The following BIVM variants were observed in gnomAD, a reference collection of about 807,000 sequenced individuals.
The protein encoded by BIVM is basic, immunoglobulin-like variable motif containing, also known as basic immunoglobulin-like variable motif-containing protein.
BIVM carries 31 observed loss-of-function variants against 61.4 expected under a neutral mutation model. The observed-to-expected ratio is 0.51, with a 90% CI of 0.38 to 0.68. The LOEUF (loss-of-function observed/expected upper bound fraction) is 0.68. Among genes scored for constraint, BIVM ranks in the 30% least tolerant of loss-of-function variants. The pLI is 0.00. For synonymous variants in BIVM, 189 were observed against 210.7 expected (o/e 0.90, Z 0.89); for missense variants, 526 against 596.0 (o/e 0.88, Z 1.22).
intron 3 of BIVM, among the ~76,000 whole-genome samples, chr13:102,809,886 C>T (rs906164911): frequency 1.7e-4 from 26 of 151,662 alleles, no homozygotes; most frequent in Non-Finnish European, 3.5e-4. Context: ...CCCGGGTTCA[C>T]ACCATTCTCC....
At chr13:102,809,616 T>A (rs911874954) in intron 3 of BIVM, among the ~76,000 whole-genome samples, 1 of 152,232 alleles carries the variant, frequency 6.6e-6, no homozygotes, top group Non-Finnish European at 1.5e-5. Context: ...ATTGTGAAGT[T>A]GTCTTTTCTC....
rs777601002 is a variant in BIVM at position 102,821,149 on chromosome 13, A to T, written c.701+17A>T. ...AGCTGGAAAGTAAGTATGTCAATTT[A>T]TCAGTACCCCCAAACTCCAAAGTAA... On this transcript the variant is annotated intron_variant, in intron 5 of 10. Coordinates refer to ENST00000257336, the MANE Select transcript of BIVM (RefSeq NM_017693.4). 6.3e-7 allele frequency: 1 copy of T among 1,597,788 alleles called. No homozygotes were observed. Among genetic ancestry groups the T allele is most frequent in the East Asian group, 2.2e-5 (1 of 44,630 alleles).
chr13:102,835,871 C>T (rs1881436870), intron 9 of BIVM, among the ~76,000 whole-genome samples: 1 of 152,214 alleles, frequency 6.6e-6, no homozygotes, highest in Non-Finnish European at 1.5e-5. Context: ...TAAATGGTGT[C>T]ATACAGTATG....
chr13:102,837,011 G>C (rs1308296198), intron 9 of BIVM, among the ~76,000 whole-genome samples: 1 of 152,084 alleles, frequency 6.6e-6, no homozygotes, highest in African/African-American at 2.4e-5. Context: ...ATTTTGGCTG[G>C]GCGCGGTGGC....
chr13:102,816,200 C>T (rs981132177), intron 3 of BIVM, among the ~76,000 whole-genome samples: 1 of 152,144 alleles, frequency 6.6e-6, no homozygotes, highest in African/African-American at 2.4e-5. Flanking sequence ...TATTATTTCT[C>T]TTTAAGGTAG....
chr13:102,800,868 A>T (rs1365211998), intron 1 of BIVM: 1 of 152,228 alleles, frequency 6.6e-6, no homozygotes, highest in Non-Finnish European at 1.5e-5. Context: ...AGGTCACCGG[A>T]ATGCCCCTGC....
chr13:102,833,782 C>T (rs1254883797), intron 8 of BIVM, among the ~76,000 whole-genome samples: 1 of 152,202 alleles, frequency 6.6e-6, no homozygotes, highest in Admixed American at 6.5e-5. Flanking sequence ...AGAGGGAACT[C>T]TCTTGTTCTC....
At chr13:102,803,587 T>C (rs973865429) in intron 1 of BIVM, among the ~76,000 whole-genome samples, 6 of 151,936 alleles carry the variant, frequency 3.9e-5, no homozygotes, top group Non-Finnish European at 8.8e-5. Flanking sequence ...AAGGAAGCCC[T>C]GGGAAAGTGG....
In BIVM at chr13:102,831,655, T is replaced by C; in HGVS notation, c.992T>C (p.Ile331Thr). The C allele has an allele frequency of 6.2e-7, 1 of 1,614,174 alleles. No individual in the cohort carries two copies. Among genetic ancestry groups the C allele is most frequent in the Middle Eastern group, 1.6e-4 (1 of 6,062 alleles). ...YHCQNHYFCP[I>T]GFEATPVKAN... ...TGCCAAAATCATTATTTTTGTCCAA[T>C]TGGCTTCGAAGCAACCCCTGTTAAA... The change falls in exon 8 of 11, where the codon ATT (isoleucine) becomes ACT (threonine). Residue 331 changes from isoleucine (I) to threonine (T), a missense_variant. Physicochemically the swap from Ile to Thr is moderately conservative, Grantham distance 89. Coordinates refer to ENST00000257336, the MANE Select transcript of BIVM (RefSeq NM_017693.4).
At chr13:102,837,774 G>A (rs374528754) in intron 9 of BIVM, among the ~76,000 whole-genome samples, 1 of 152,190 alleles carries the variant, frequency 6.6e-6, no homozygotes, top group African/African-American at 2.4e-5. Context: ...GCCGGAGGCC[G>A]TTATTCTAAG....
At chr13:102,816,287 A>G in intron 3 of BIVM, 141 bp from the exon 4 acceptor site, 1 of 754,610 alleles carries the variant, frequency 1.3e-6, no homozygotes, top group Non-Finnish European at 1.9e-6. Flanking sequence ...GCAGTTATTT[A>G]TTTGTTATTA....
At position 102,807,876 on chromosome 13, in the gene BIVM, G is replaced by A; in HGVS notation, c.478+131G>A. The A allele has an allele frequency of 9.4e-7, 1 of 1,066,386 alleles. No individual in the cohort carries two copies. The highest frequency in any genetic ancestry group is 1.3e-6 in the Non-Finnish European group (1 of 765,288). The allele number at this position is 1,066,386 out of a possible 1,614,324, so 66.1% of individuals were successfully genotyped here. A position where few individuals can be genotyped will look rare whatever the true frequency, so the allele number is the denominator to read the frequency against. ...AAGGAACATGGCTATCATCTTGTCT[G>A]TCAATGTAGTTTTAGGAAAGTAACC... On this transcript the variant is annotated intron_variant, in intron 3 of 10. Transcript: ENST00000257336. This position sits in a 1 kb window ranked among gnomAD's most constrained non-coding sequence, Gnocchi z 4.0.
intron 9 of BIVM, among the ~76,000 whole-genome samples, chr13:102,836,386 C>T (rs138619134): frequency 2.2e-4 from 33 of 152,316 alleles, no homozygotes; most frequent in Non-Finnish European, 4.6e-4. Context: ...GATCATGGCT[C>T]ACTAAAGCCT....
rs1879082271 is a variant in BIVM, at chr13:102,806,380, G to T, written c.-122-766G>T. 2.6e-5 allele frequency among the ~76,000 whole-genome samples: 4 copies of T among 152,062 alleles called. No individual in the cohort carries two copies. In the South Asian group the frequency reaches 8.3e-4, roughly 32 times the overall value. ...GTCTTATGTCTCAGCCTCCTGAGTAGCTGGGACTACAGGCATGTGCCACCA... is the reference window on the plus strand; with the variant it reads ...GTCTTATGTCTCAGCCTCCTGAGTATCTGGGACTACAGGCATGTGCCACCA... On this transcript the variant is annotated intron_variant, in intron 2 of 10. Transcript: ENST00000257336.
intron 7 of BIVM, among the ~76,000 whole-genome samples, chr13:102,824,840 G>A (rs1880550686): frequency 6.6e-6 from 1 of 152,150 alleles, no homozygotes; most frequent in Non-Finnish European, 1.5e-5. Context: ...GCTTACTGCA[G>A]CCTTGAACTC....
Position 102,821,061 on chromosome 13 carries a change from T to C in BIVM, c.630T>C (p.Tyr210=). 6.2e-7 allele frequency: 1 copy of C among 1,613,644 alleles called. No individual in the cohort carries two copies. The highest frequency in any genetic ancestry group is 8.5e-7 in the Non-Finnish European group (1 of 1,179,884). ...GGTACTGCATAAGCCGACCACAGTA[T>C]AAGACTTCTTGTGGCATCTCTTCAT... is the stretch of plus-strand genomic sequence containing the variant. ...RRWYCISRPQ[Y]KTSCGISSLI... The change falls in exon 5 of 11, where the codon TAT becomes TAC. Residue 210 remains tyrosine, a synonymous_variant. Coordinates refer to ENST00000257336, the MANE Select transcript of BIVM (RefSeq NM_017693.4).
chr13:102,806,158 T>G (rs1879064507), intron 2 of BIVM, among the ~76,000 whole-genome samples: 5 of 142,604 alleles, frequency 3.5e-5, no homozygotes. Flanking sequence ...ATTATAGCCA[T>G]TCTAGCGTGT....
chr13:102,833,980 C>T (rs1595364099), intron 8 of BIVM, among the ~76,000 whole-genome samples: 1 of 152,142 alleles, frequency 6.6e-6, no homozygotes, highest in African/African-American at 2.4e-5. Flanking sequence ...CTGCCTGTAC[C>T]TAAGAATCAT....
chr13:102,808,190 A>G (rs879731553), intron 3 of BIVM, among the ~76,000 whole-genome samples: 6 of 152,196 alleles, frequency 3.9e-5, no homozygotes, highest in Non-Finnish European at 8.8e-5. Context: ...CAAAGCCTCC[A>G]TGTACCACCA....
Sources: gnomAD v4.1 joint callset for allele counts (sites outside exome capture counted in the v4.1 genomes callset) on GRCh38, gnomAD v4.1.1 for gene constraint, Gnocchi (gnomAD v3.1) non-coding constraint, MANE v1.5 for transcripts, NCBI Gene and HGNC (gene_info 2026-07-23, HGNC 2026-07-21) for gene names.